CADM2: variants seen among roughly 807,000 people sequenced by gnomAD.
CADM2 encodes the protein immunoglobulin superfamily member 4D.
In CADM2, 12 loss-of-function variants were observed where a neutral mutation model predicts 49.8. That is an observed-to-expected ratio of 0.24 (90% confidence interval 0.15 to 0.39). The LOEUF is 0.39. CADM2 is among the 10% of genes least tolerant of loss of function. CADM2 has a pLI of 1.00. For synonymous variants in CADM2, 214 were observed against 175.4 expected (o/e 1.22, Z -1.74); for missense variants, 378 against 492.3 (o/e 0.77, Z 2.20).
intron 1 of CADM2, among the ~76,000 whole-genome samples, chr3:85,656,466 A>G (rs1667232408): frequency 6.6e-6 from 1 of 151,936 alleles, no homozygotes; most frequent in African/African-American, 2.4e-5. Context: ...TATACAAAAG[A>G]TTATCCAGGA....
At position 86,071,789 on chromosome 3, in the gene CADM2, A is replaced by C. The variant is rs761821691; in HGVS notation, c.*5006A>C. On this transcript the variant is annotated 3_prime_UTR_variant, in exon 10 of 10. Coordinates refer to ENST00000383699, the MANE Select transcript of CADM2 (RefSeq NM_001167675.2). ...TAAAGGCAAAATATTATAACTTTATAAGAATAGTCCTTCTCCTGCCTATTT... is the reference window on the plus strand; with the variant it reads ...TAAAGGCAAAATATTATAACTTTATCAGAATAGTCCTTCTCCTGCCTATTT... 1.3e-5 allele frequency: 2 copies of C among 151,988 alleles called. No individual in the cohort carries two copies. The highest frequency in any genetic ancestry group is 2.9e-5 in the Non-Finnish European group (2 of 67,898). The allele number at this position is 151,988 out of a possible 1,614,324, so 9.4% of individuals were successfully genotyped here.
intron 1 of CADM2, among the ~76,000 whole-genome samples, chr3:85,397,545 G>C (rs1487746555): frequency 1.3e-5 from 2 of 152,180 alleles, no homozygotes; most frequent in African/African-American, 4.8e-5. Context: ...ATATTATTCA[G>C]CCTTAAAAAG....
At chr3:85,232,791 T>A (rs2042324002) in intron 1 of CADM2, among the ~76,000 whole-genome samples, 1 of 152,126 alleles carries the variant, frequency 6.6e-6, no homozygotes, top group Admixed American at 6.6e-5. Context: ...TTCATGGATG[T>A]TAAGAGTGCA....
At chr3:85,731,616 T>C (rs1416258071) in intron 2 of CADM2, among the ~76,000 whole-genome samples, 1 of 152,162 alleles carries the variant, frequency 6.6e-6, no homozygotes, top group Non-Finnish European at 1.5e-5. Flanking sequence ...AGTTTCACTA[T>C]ATTTCCTCTT....
At chr3:85,338,817 A>G (rs1184252291) in intron 1 of CADM2, among the ~76,000 whole-genome samples, 1 of 151,502 alleles carries the variant, frequency 6.6e-6, no homozygotes, top group Non-Finnish European at 1.5e-5. Flanking sequence ...CAGGAATCCC[A>G]ATAAAATTTT....
intron 1 of CADM2, among the ~76,000 whole-genome samples, chr3:85,286,911 A>G (rs796254450): frequency 1.3e-5 from 2 of 152,278 alleles, no homozygotes; most frequent in East Asian, 3.9e-4. Context: ...TTATCATTCA[A>G]TATCAGTAAT....
intron 1 of CADM2, among the ~76,000 whole-genome samples, chr3:85,288,622 A>G (rs1235097868): frequency 2.6e-5 from 4 of 152,092 alleles, no homozygotes; most frequent in Admixed American, 6.6e-5. Flanking sequence ...TGGTAGGAAA[A>G]TGGGAGTTGG....
chr3:85,029,612 T>C (rs796923878), intron 1 of CADM2, among the ~76,000 whole-genome samples: 13 of 152,362 alleles, frequency 8.5e-5, no homozygotes, highest in African/African-American at 3.1e-4. Flanking sequence ...CAGTGAGCAG[T>C]GTGTTTCTCA....
intron 1 of CADM2, among the ~76,000 whole-genome samples, chr3:85,679,168 A>T (rs1487369848): frequency 6.6e-6 from 1 of 152,190 alleles, no homozygotes; most frequent in Non-Finnish European, 1.5e-5. Flanking sequence ...GGACCATGAA[A>T]AAATAAAACT....
intron 1 of CADM2, among the ~76,000 whole-genome samples, chr3:85,411,808 G>A (rs1018637622): frequency 1.3e-5 from 2 of 152,068 alleles, no homozygotes; most frequent in Non-Finnish European, 2.9e-5. Context: ...TAGATTAAAA[G>A]CATCATTTCA....
At chr3:85,434,152 T>G (rs2036818784) in intron 1 of CADM2, among the ~76,000 whole-genome samples, 1 of 152,078 alleles carries the variant, frequency 6.6e-6, no homozygotes, top group Non-Finnish European at 1.5e-5. Context: ...GTTTCTCATA[T>G]TATTTTCAGT....
intron 1 of CADM2, among the ~76,000 whole-genome samples, chr3:85,528,502 C>G (rs1215533113): frequency 6.6e-6 from 1 of 152,122 alleles, no homozygotes; most frequent in Non-Finnish European, 1.5e-5. Context: ...AATCTTCTTA[C>G]AAATTAAATG....
intron 1 of CADM2, among the ~76,000 whole-genome samples, chr3:85,636,699 T>G (rs2064498549): frequency 6.6e-6 from 1 of 152,198 alleles, no homozygotes. Flanking sequence ...AAATGTAGCA[T>G]TTAAAAACAT....
chr3:85,554,246 A>T (rs1313303171), intron 1 of CADM2, among the ~76,000 whole-genome samples: 5 of 152,158 alleles, frequency 3.3e-5, no homozygotes, highest in Non-Finnish European at 7.4e-5. Flanking sequence ...TGCCTTGCAT[A>T]TGCAGTTCAC....
At chr3:86,047,578 G>A (rs539364496) in intron 8 of CADM2, among the ~76,000 whole-genome samples, 1 of 152,266 alleles carries the variant, frequency 6.6e-6, no homozygotes, top group Non-Finnish European at 1.5e-5. Context: ...TGTGCCTCAA[G>A]AAAGTGAAGT....
chr3:85,170,334 T>G (rs1440784619), intron 1 of CADM2, among the ~76,000 whole-genome samples: 1 of 147,774 alleles, frequency 6.8e-6, no homozygotes, highest in Non-Finnish European at 1.5e-5. Flanking sequence ...GGTCACATCT[T>G]TTTCTAACTT....
At chr3:85,903,433 A>T (rs1254675663) in intron 5 of CADM2, among the ~76,000 whole-genome samples, 1 of 151,868 alleles carries the variant, frequency 6.6e-6, no homozygotes, top group Non-Finnish European at 1.5e-5. Flanking sequence ...ATTTTATTTC[A>T]CCTTCATTTT....
chr3:86,019,601 G>A (rs1290739471), intron 8 of CADM2, among the ~76,000 whole-genome samples: 2 of 150,898 alleles, frequency 1.3e-5, no homozygotes, highest in East Asian at 2.0e-4. Flanking sequence ...CACATCCCTT[G>A]TAAGTTGGAT....
intron 3 of CADM2, among the ~76,000 whole-genome samples, chr3:85,855,667 C>A (rs2075289487): frequency 7.0e-6 from 1 of 142,292 alleles, no homozygotes; most frequent in African/African-American, 2.6e-5. Flanking sequence ...CGCACTGTTG[C>A]CTAGGCTGGA....
Sources: allele counts gnomAD v4.1 joint callset (sites outside exome capture counted in the v4.1 genomes callset), GRCh38; gene constraint gnomAD v4.1.1; transcripts MANE v1.5; gene names NCBI Gene and HGNC (gene_info 2026-07-23, HGNC 2026-07-21).